Variants in TUBGCP3 observed in about 807,000 individuals in gnomAD.
The protein encoded by TUBGCP3 is gamma-tubulin complex component 3.
In TUBGCP3, 50 loss-of-function variants were observed where a neutral mutation model predicts 123.1. The observed-to-expected ratio is 0.41, with a 90% confidence interval of 0.32 to 0.51. TUBGCP3 has a LOEUF of 0.51. Among genes scored for constraint, TUBGCP3 ranks in the 20% least tolerant of loss-of-function variants. TUBGCP3 has a pLI of 0.36. For missense variants in TUBGCP3, 882 were observed against 1,127.0 expected, an observed-to-expected ratio of 0.78 and a Z score of 3.11; for synonymous variants, 405 against 413.9, an observed-to-expected ratio of 0.98 and a Z score of 0.26.
At chr13:112,535,448 A>G (rs1300458778) in intron 11 of TUBGCP3, among the ~76,000 whole-genome samples, 2 of 152,136 alleles carry the variant, frequency 1.3e-5, no homozygotes, top group African/African-American at 2.4e-5. Context: ...CCTTGCCAAC[A>G]CCTGTTATTT....
rs960000848 is a variant in TUBGCP3 at position 112,507,809 on chromosome 13, C to T, written c.2087-3095G>A. On this transcript the variant is annotated intron_variant, in intron 17 of 21. Transcript: ENST00000261965. ...TTATGAAACCAGGAATTTTTTTCTC[C>T]GGCTTCAAATCAGTCTGAAAGTAGA... Among the ~76,000 whole-genome samples, 8 of 152,038 alleles carry T rather than the reference C, an allele frequency of 5.3e-5. No homozygotes were observed. The South Asian group carries it at 1.7e-3, about 32-fold the overall frequency.
intron 1 of TUBGCP3, among the ~76,000 whole-genome samples, chr13:112,569,740 A>G (rs1309245434): frequency 6.6e-6 from 1 of 152,228 alleles, no homozygotes; most frequent in Non-Finnish European, 1.5e-5. Flanking sequence ...CAAAAACACC[A>G]TAAAATTGAG....
Position 112,545,506 on chromosome 13 carries a change from T to C in TUBGCP3, c.1335+193A>G. On this transcript the variant is annotated intron_variant, in intron 11 of 21. Transcript: ENST00000261965. This position sits in a 1 kb window ranked among gnomAD's most constrained non-coding sequence, Gnocchi z 4.1. ...GACAATTCTCCACTAACCAAAGAAC[T>C]CGTGAACTTATCTGCTGTTCAGTGA... 1.7e-6 allele frequency: 1 copy of C among 580,440 alleles called. No individual in the cohort carries two copies. Among genetic ancestry groups the C allele is most frequent in the South Asian group, 2.5e-5 (1 of 39,334 alleles). 36.0% of individuals were successfully genotyped at this position (580,440 alleles called of 1,614,324 possible).
intron 20 of TUBGCP3, among the ~76,000 whole-genome samples, chr13:112,490,322 C>G (rs1477181625): frequency 2.6e-5 from 4 of 152,268 alleles, no homozygotes; most frequent in African/African-American, 9.6e-5. Flanking sequence ...ATGGCATGAT[C>G]TCAGCTCACT....
intron 8 of TUBGCP3, among the ~76,000 whole-genome samples, chr13:112,550,031 A>G (rs1228259894): frequency 1.3e-5 from 2 of 149,136 alleles, no homozygotes; most frequent in Non-Finnish European, 3.0e-5. Flanking sequence ...GAAAGGAGTC[A>G]GGTCAAAACA....
At chr13:112,575,203 T>C (rs1282836764) in intron 1 of TUBGCP3, among the ~76,000 whole-genome samples, 2 of 152,164 alleles carry the variant, frequency 1.3e-5, no homozygotes, top group Non-Finnish European at 2.9e-5. Context: ...AGCTGTGTAC[T>C]ATCGAGAAGG....
intron 6 of TUBGCP3, among the ~76,000 whole-genome samples, chr13:112,555,664 G>A (rs1879959975): frequency 6.6e-6 from 1 of 152,200 alleles, no homozygotes; most frequent in South Asian, 2.1e-4. Flanking sequence ...TAGCCCCTCT[G>A]TGGCCTTAAG....
chr13:112,498,979 A>C, intron 20 of TUBGCP3, 66 bp downstream of exon 20: 1 of 1,614,200 alleles, frequency 6.2e-7, no homozygotes, highest in Non-Finnish European at 8.5e-7. Flanking sequence ...TTGGCATTTG[A>C]GATTATCGTG....
intron 3 of TUBGCP3, among the ~76,000 whole-genome samples, chr13:112,563,572 G>A (rs758219977): frequency 6.6e-6 from 1 of 151,928 alleles, no homozygotes; most frequent in African/African-American, 2.4e-5. Context: ...GTCACAAAGT[G>A]TCTAAATAGG....
At chr13:112,555,254 G>C (rs534878533) in intron 6 of TUBGCP3, among the ~76,000 whole-genome samples, 6 of 152,322 alleles carry the variant, frequency 3.9e-5, no homozygotes, top group South Asian at 2.1e-4. Context: ...GCTGTGGACA[G>C]AGGCTGGACG....
intron 17 of TUBGCP3, among the ~76,000 whole-genome samples, chr13:112,507,314 T>C (rs1206800340): frequency 6.6e-6 from 1 of 152,214 alleles, no homozygotes; most frequent in East Asian, 1.9e-4. Flanking sequence ...TGTGCACTTG[T>C]GCACAGTGAG....
chr13:112,562,508 C>T (rs1880596025), intron 3 of TUBGCP3, among the ~76,000 whole-genome samples: 1 of 152,188 alleles, frequency 6.6e-6, no homozygotes, highest in South Asian at 2.1e-4. Context: ...AGTGTCACCC[C>T]TCTCCCAACT....
rs1880588338 is a variant in TUBGCP3 at position 112,497,231 on chromosome 13, A to T, written c.2448+1814T>A. Among the ~76,000 whole-genome samples, 6 of 152,174 alleles carry T rather than the reference A, an allele frequency of 3.9e-5. No homozygotes were observed. In the South Asian group the frequency reaches 1.2e-3, roughly 32 times the overall value. On this transcript the variant is annotated intron_variant, in intron 20 of 21. Coordinates refer to ENST00000261965, the MANE Select transcript of TUBGCP3 (RefSeq NM_006322.6). The stretch of plus-strand genomic sequence containing the variant: ...ACATCTTGGAGGGGTGAGCCACCCA[A>T]AGGCGCAAAGCCAGTAAGTTATAGA...
intron 21 of TUBGCP3, among the ~76,000 whole-genome samples, chr13:112,486,760 G>A (rs141749115): frequency 2.8e-3 from 430 of 152,334 alleles, no homozygotes; most frequent in African/African-American, 9.7e-3. Context: ...ATTTCAGGCT[G>A]AAAGACTTGC....
At chr13:112,549,727 C>T (rs1397547123) in intron 8 of TUBGCP3, among the ~76,000 whole-genome samples, 2 of 151,986 alleles carry the variant, frequency 1.3e-5, no homozygotes, top group African/African-American at 4.8e-5. Context: ...CAGTGGCTCA[C>T]GCCTGTAATC....
chr13:112,571,604 C>A (rs573300013), intron 1 of TUBGCP3, among the ~76,000 whole-genome samples: 1 of 152,196 alleles, frequency 6.6e-6, no homozygotes, highest in South Asian at 2.1e-4. Context: ...AGACAAGAGT[C>A]GGCTTATTCT....
chr13:112,499,709 A>G lies in TUBGCP3; in HGVS notation c.2308-524T>C, dbSNP rs11842458. ...AAAAATGTATCATAGTTTATACCAG[A>G]AATAAAAGGATACCTTAACATGAGG... On this transcript the variant is annotated intron_variant, in intron 19 of 21. Transcript: ENST00000261965. Among the ~76,000 whole-genome samples the G allele has an allele frequency of 9.2e-3, 1,401 of 152,344 alleles. 18 individuals carry two copies. The highest frequency in any genetic ancestry group is 0.032 in the African/African-American group (1,331 of 41,570).
intron 1 of TUBGCP3, among the ~76,000 whole-genome samples, chr13:112,576,216 G>T (rs575851556): frequency 1.3e-5 from 2 of 152,100 alleles, no homozygotes; most frequent in Non-Finnish European, 2.9e-5. Context: ...AGAAAGGTCA[G>T]AACAGGCCTC....
intron 2 of TUBGCP3, among the ~76,000 whole-genome samples, chr13:112,567,328 CTTTATT>C (rs1461005385): frequency 1.3e-5 from 2 of 152,154 alleles, no homozygotes; most frequent in African/African-American, 2.4e-5. Context: ...TTTAAACAAA[CTTTATT>C]TTTAGCTACT....
Sources: gnomAD v4.1 joint callset for allele counts (sites outside exome capture counted in the v4.1 genomes callset) on GRCh38, gnomAD v4.1.1 for gene constraint, Gnocchi (gnomAD v3.1) non-coding constraint, MANE v1.5 for transcripts, NCBI Gene and HGNC (gene_info 2026-07-23, HGNC 2026-07-21) for gene names.